The following PRAG1 variants were observed in gnomAD, a reference collection of about 807,000 sequenced individuals.
PRAG1 encodes inactive tyrosine-protein kinase PRAG1.
In PRAG1, 110 loss-of-function variants were observed where a neutral mutation model predicts 95.6. That is an observed-to-expected ratio of 1.15 (90% CI 0.99 to 1.35). The LOEUF is 1.35. PRAG1 is among the 40% of genes most tolerant of loss of function. PRAG1 has a pLI of 0.00. For missense variants in PRAG1, 2,554 were observed against 1,864.7 expected, an observed-to-expected ratio of 1.37 and a Z score of -6.81; for synonymous variants, 1,052 against 819.4, an observed-to-expected ratio of 1.28 and a Z score of -4.85.
chr8:8,367,798 T>A (rs953481433), intron 3 of PRAG1, among the ~76,000 whole-genome samples: 21 of 152,142 alleles, frequency 1.4e-4, no homozygotes, highest in Admixed American at 7.9e-4. Flanking sequence ...CGTGCCACCA[T>A]GCCCAGCTAA....
At position 8,373,856 on chromosome 8, in the gene PRAG1, G is replaced by A. The variant is rs540539355; in HGVS notation, c.2162+2391C>T. 2.2e-3 allele frequency among the ~76,000 whole-genome samples: 336 copies of A among 152,064 alleles called. 1 individual carries two copies. The highest frequency in any genetic ancestry group is 7.9e-3 in the African/African-American group (328 of 41,442). ...AAGCTTGAGCTATATGCAATCTAAGGGTTTTATCATAACAAACTGGGCCGA... is the reference window on the plus strand; with the variant it reads ...AAGCTTGAGCTATATGCAATCTAAGAGTTTTATCATAACAAACTGGGCCGA... On this transcript the variant is annotated intron_variant, in intron 3 of 5. Transcript: ENST00000615670.
chr8:8,374,610 C>A (rs1311406902), intron 3 of PRAG1: 23 of 961,908 alleles, frequency 2.4e-5, no homozygotes, highest in Non-Finnish European at 2.8e-5. Flanking sequence ...TTAAATCCAT[C>A]CCTGGCCCAT....
Position 8,328,365 on chromosome 8 carries a change from G to C in PRAG1, c.2417C>G (p.Pro806Arg), listed in dbSNP as rs1033843662. ...FPSGSTEDVS[P>R]SGPQQPPPLP... Reference sequence around the variant, plus strand: ...TGGAGGGGGCTGCTGGGGGCCACTGGGGGACACGTCCTCAGTGGAGCCTGA... The same window carrying C: ...TGGAGGGGGCTGCTGGGGGCCACTGCGGGACACGTCCTCAGTGGAGCCTGA... Residue 806 changes from proline to arginine, a missense_variant, in exon 5 of 6, where the codon CCC (proline) becomes CGC (arginine). Pro to Arg is a moderately radical substitution (Grantham distance 103). Coordinates refer to ENST00000615670, the MANE Select transcript of PRAG1 (RefSeq NM_001080826.3). 2 of 1,613,206 alleles carry C rather than the reference G, an allele frequency of 1.2e-6. No individual in the cohort carries two copies. Among genetic ancestry groups the C allele is most frequent in the Admixed American group, 3.3e-5 (2 of 60,012 alleles).
At chr8:8,360,717 G>A (rs1799817909) in intron 3 of PRAG1, among the ~76,000 whole-genome samples, 1 of 152,202 alleles carries the variant, frequency 6.6e-6, no homozygotes, top group Non-Finnish European at 1.5e-5. Context: ...TTTCTCATCT[G>A]TTCTCTTAGT....
intron 3 of PRAG1, among the ~76,000 whole-genome samples, chr8:8,358,345 A>T (rs1461432899): frequency 6.6e-6 from 1 of 152,152 alleles, no homozygotes; most frequent in Non-Finnish European, 1.5e-5. Context: ...AAACTCTCTG[A>T]ACTCTGTCCT....
At position 8,376,521 on chromosome 8, in the gene PRAG1, C is replaced by A. The variant is rs1293333666; in HGVS notation, c.1888G>T (p.Ala630Ser). 6.2e-7 allele frequency: 1 copy of A among 1,609,604 alleles called. No individual in the cohort carries two copies. The highest frequency in any genetic ancestry group is 1.3e-5 in the African/African-American group (1 of 74,836). Residue 630 changes from alanine to serine, a missense_variant, in exon 3 of 6, where the codon GCA (alanine) becomes TCA (serine). Ala to Ser is a moderately conservative substitution (Grantham distance 99). Coordinates refer to ENST00000615670, the MANE Select transcript of PRAG1 (RefSeq NM_001080826.3). ...ASEQRRPRFQ[A>S]GTWSRQCRIE... ...CGGCACTGACGACTCCAGGTGCCTG[C>A]CTGGAACCTGGGCCGCCTCTGTTCC...
chr8:8,350,160 C>T (rs1308395301), intron 3 of PRAG1, among the ~76,000 whole-genome samples: 1 of 152,098 alleles, frequency 6.6e-6, no homozygotes, highest in East Asian at 1.9e-4. Context: ...TATTTGTGGC[C>T]CCAGCCTACA....
chr8:8,383,864 C>G (rs1800763095), intron 1 of PRAG1, among the ~76,000 whole-genome samples: 1 of 152,150 alleles, frequency 6.6e-6, no homozygotes, highest in Admixed American at 6.5e-5. Context: ...AGAACTGTAG[C>G]CTTGCTGCTA....
Position 8,318,367 on chromosome 8 carries a change from C to G in PRAG1, c.4008G>C (p.Leu1336=), listed in dbSNP as rs767474199. Residue 1336 remains leucine, a synonymous_variant, in exon 6 of 6, where the codon CTG becomes CTC. Transcript: ENST00000615670. This position sits in a 1 kb window ranked among gnomAD's most constrained non-coding sequence, Gnocchi z 4.2. Reference sequence around the variant, plus strand: ...CCTCCGAGGTGCCCGGCTGCTGCACCAGCTCGCGCCGAGGCCCCCACAGCA... The same window carrying G: ...CCTCCGAGGTGCCCGGCTGCTGCACGAGCTCGCGCCGAGGCCCCCACAGCA... ...QCLLWGPRRE[L]VQQPGTSEEA... is the part of the protein sequence containing the mutation. 1.2e-6 allele frequency: 2 copies of G among 1,613,556 alleles called. No homozygotes were observed. The highest frequency in any genetic ancestry group is 1.3e-5 in the African/African-American group (1 of 75,068).
intron 3 of PRAG1, among the ~76,000 whole-genome samples, chr8:8,371,189 T>C (rs1800186762): frequency 6.7e-6 from 1 of 148,712 alleles, no homozygotes; most frequent in African/African-American, 2.5e-5. Flanking sequence ...TAACCTCTGC[T>C]CCCCAGCAGC....
At chr8:8,337,328 G>A (rs965785079) in intron 4 of PRAG1, among the ~76,000 whole-genome samples, 7 of 152,350 alleles carry the variant, frequency 4.6e-5, no homozygotes, top group African/African-American at 7.2e-5. Context: ...GGACCCATGG[G>A]ACTGGAAGAT....
intron 4 of PRAG1, among the ~76,000 whole-genome samples, chr8:8,331,085 G>C (rs942318795): frequency 3.3e-5 from 5 of 152,198 alleles, no homozygotes; most frequent in African/African-American, 9.7e-5. Flanking sequence ...TGGGAGATGG[G>C]AGTGGGGTGT....
intron 3 of PRAG1, among the ~76,000 whole-genome samples, chr8:8,345,916 C>A (rs1036751139): frequency 6.6e-6 from 1 of 152,176 alleles, no homozygotes; most frequent in Non-Finnish European, 1.5e-5. Flanking sequence ...TTAATTAGGG[C>A]ATGAGCAAAA....
In PRAG1 at chr8:8,318,463, T is replaced by C; in HGVS notation, c.3912A>G (p.Ala1304=). Residue 1304 remains alanine (A), a synonymous_variant, in exon 6 of 6, where the codon GCA becomes GCG. Transcript: ENST00000615670. The surrounding 1 kb of genome is among the most constrained non-coding windows in gnomAD (Gnocchi z 4.2). Reference sequence around the variant, plus strand: ...TGGGGTCGGCCTCCAGTAGCAGATGTGCCAGCTGCTGCAGGCCGGGTGAGT... The same window carrying C: ...TGGGGTCGGCCTCCAGTAGCAGATGCGCCAGCTGCTGCAGGCCGGGTGAGT... ...SLYSPGLQQL[A]HLLLEADPIK... 1 of 1,612,206 alleles carries C rather than the reference T, an allele frequency of 6.2e-7. No homozygotes were observed. Among genetic ancestry groups the C allele is most frequent in the Non-Finnish European group, 8.5e-7 (1 of 1,179,776 alleles).
chr8:8,328,219 T>C lies in PRAG1; in HGVS notation c.2563A>G (p.Asn855Asp). 1 of 1,614,198 alleles carries C rather than the reference T, an allele frequency of 6.2e-7. No homozygotes were observed. Among genetic ancestry groups the C allele is most frequent in the Non-Finnish European group, 8.5e-7 (1 of 1,180,030 alleles). The stretch of plus-strand genomic sequence containing the variant: ...CTAAAGTGAGATTCGTCGTGGACGT[T>C]GGTTTCCGAGTGGCTTAGGTTCAGC... Reference protein sequence around the residue: ...PKLNLSHSETNVHDESHFSYS... With the variant: ...PKLNLSHSETDVHDESHFSYS... Residue 855 changes from asparagine to aspartate, a missense_variant, in exon 5 of 6, where the codon AAC becomes GAC. Asn to Asp is a conservative substitution (Grantham distance 23, BLOSUM62 1). Transcript: ENST00000615670.
At chr8:8,372,946 G>A (rs1232249545) in intron 3 of PRAG1, among the ~76,000 whole-genome samples, 1 of 152,204 alleles carries the variant, frequency 6.6e-6, no homozygotes, top group Non-Finnish European at 1.5e-5. Flanking sequence ...TGTCCTGTAT[G>A]AAGCAAGTCC....
Position 8,377,520 on chromosome 8 carries a change from G to A in PRAG1, c.889C>T (p.Pro297Ser), listed in dbSNP as rs1187219527. 6.3e-7 allele frequency: 1 copy of A among 1,576,028 alleles called. No individual in the cohort carries two copies. The highest frequency in any genetic ancestry group is 1.8e-5 in the Admixed American group (1 of 56,372). The change falls in exon 3 of 6, where the codon CCC becomes TCC. Residue 297 changes from proline (P) to serine (S), a missense_variant. Coordinates refer to ENST00000615670, the MANE Select transcript of PRAG1 (RefSeq NM_001080826.3). ...GGGCCCCGCTTCTCCTGCTCTGCGG[G>A]CCCGGAACACTTCCCCTGCTCCCAG... ...TCWEQGKCSG[P>S]AEQEKRGPSF...
intron 3 of PRAG1, among the ~76,000 whole-genome samples, chr8:8,370,710 A>C (rs1349445720): frequency 6.6e-6 from 1 of 152,186 alleles, no homozygotes; most frequent in African/African-American, 2.4e-5. Context: ...TCATGCCCAG[A>C]GATCATGTTA....
At chr8:8,380,444 C>G (rs1358923259) in intron 2 of PRAG1, among the ~76,000 whole-genome samples, 5 of 151,692 alleles carry the variant, frequency 3.3e-5, no homozygotes. Flanking sequence ...ACTAAAAATA[C>G]AAAGATTAGT....
Sources: allele counts gnomAD v4.1 joint callset (sites outside exome capture counted in the v4.1 genomes callset), GRCh38; gene constraint gnomAD v4.1.1; non-coding constraint Gnocchi (gnomAD v3.1); transcripts MANE v1.5; gene names NCBI Gene and HGNC (gene_info 2026-07-23, HGNC 2026-07-21).